COL28A1: variants seen among roughly 807,000 people sequenced by gnomAD.
The protein encoded by COL28A1 is collagen type XXVIII alpha 1 chain, also known as collagen alpha-1(XXVIII) chain.
COL28A1 carries 161 observed loss-of-function variants against 150.2 expected under a neutral mutation model. The observed-to-expected ratio is 1.07, with a 90% CI of 0.94 to 1.22. The LOEUF (loss-of-function observed/expected upper bound fraction) is 1.22, where lower values mean the gene tolerates loss of function less well. COL28A1 is among the 50% of genes most tolerant of loss of function. COL28A1 has a pLI of 0.00. For missense variants in COL28A1, 1,617 were observed against 1,388.3 expected, an observed-to-expected ratio of 1.16 and a Z score of -2.62; for synonymous variants, 552 against 469.7, an observed-to-expected ratio of 1.18 and a Z score of -2.26.
At chr7:7,471,125 T>TAAAAAAAAAAAA (rs746981344) in intron 15 of COL28A1, among the ~76,000 whole-genome samples, 3 of 88,518 alleles carry the variant, frequency 3.4e-5, no homozygotes, top group East Asian at 3.4e-4. Context: ...AAAAAATAAT[T>TAAAAAAAAAAAA]AAAAAAAAAA....
At chr7:7,385,975 A>G (rs1448560191) in intron 27 of COL28A1, among the ~76,000 whole-genome samples, 1 of 152,234 alleles carries the variant, frequency 6.6e-6, no homozygotes, top group Non-Finnish European at 1.5e-5. Context: ...TTCAATGTAT[A>G]AGTCTCAGGA....
At position 7,507,107 on chromosome 7, in the gene COL28A1, A is replaced by AC; in HGVS notation, c.972+9dup. The AC allele has an allele frequency of 8.6e-7, 1 of 1,160,334 alleles. No homozygotes were observed. Among genetic ancestry groups the AC allele is most frequent in the Non-Finnish European group, 1.3e-6 (1 of 767,356 alleles). 71.9% of individuals were successfully genotyped at this position (1,160,334 alleles called of 1,614,324 possible). A position where few individuals can be genotyped will look rare whatever the true frequency, so the allele number is the denominator to read the frequency against. On this transcript the variant is annotated intron_variant, in intron 10 of 34. Coordinates refer to ENST00000399429, the MANE Select transcript of COL28A1 (RefSeq NM_001037763.3). ...TAATTCAAACTTAGATTTGGTTTTA[A>AC]CCCCCTTACCTGAATTCCTCTGGGT...
intron 30 of COL28A1, among the ~76,000 whole-genome samples, chr7:7,380,194 T>G (rs1165472390): frequency 2.6e-5 from 4 of 152,278 alleles, no homozygotes; most frequent in Middle Eastern, 3.4e-3. Flanking sequence ...TTATAGATGC[T>G]CAGAAAATAC....
intron 3 of COL28A1, among the ~76,000 whole-genome samples, chr7:7,527,756 T>C (rs1782111315): frequency 6.6e-6 from 1 of 152,196 alleles, no homozygotes; most frequent in Non-Finnish European, 1.5e-5. Flanking sequence ...ACATATACTA[T>C]ATATGCAAAA....
chr7:7,481,535 C>G (rs1174185976), intron 13 of COL28A1, among the ~76,000 whole-genome samples: 2 of 152,140 alleles, frequency 1.3e-5, no homozygotes, highest in African/African-American at 4.8e-5. Context: ...CTTTCTAAGG[C>G]CATGAGAACC....
intron 27 of COL28A1, among the ~76,000 whole-genome samples, chr7:7,415,556 C>CA (rs979366807): frequency 6.6e-6 from 1 of 152,082 alleles, no homozygotes; most frequent in African/African-American, 2.4e-5. Context: ...TTTTTTGAGA[C>CA]AGAGTCTAAC....
At chr7:7,518,554 T>C (rs960320128) in intron 6 of COL28A1, among the ~76,000 whole-genome samples, 1 of 152,260 alleles carries the variant, frequency 6.6e-6, no homozygotes, top group African/African-American at 2.4e-5. Context: ...TAATTTTTAA[T>C]GTAATAGTTA....
chr7:7,428,156 G>A (rs1784748494), intron 25 of COL28A1, among the ~76,000 whole-genome samples: 2 of 152,170 alleles, frequency 1.3e-5, no homozygotes, highest in African/African-American at 4.8e-5. Context: ...AATTATACCT[G>A]TAATAACAAC....
chr7:7,391,801 C>CTTTTT (rs33991942), intron 27 of COL28A1, among the ~76,000 whole-genome samples: 5 of 115,874 alleles, frequency 4.3e-5, no homozygotes, highest in Non-Finnish European at 8.9e-5. Flanking sequence ...GCAACCCCTG[C>CTTTTT]TTTTTTTTTT....
chr7:7,345,062 T>TG, the COL28A1 span, among the ~76,000 whole-genome samples: 18 of 149,656 alleles, frequency 1.2e-4, no homozygotes, highest in Admixed American at 9.4e-4. Context: ...TTGGCGGGGG[T>TG]GGGGGGCGTT....
intron 18 of COL28A1, among the ~76,000 whole-genome samples, chr7:7,447,357 C>A (rs912997164): frequency 2.6e-5 from 4 of 152,002 alleles, no homozygotes; most frequent in Non-Finnish European, 4.4e-5. Context: ...GGCAAGAAGA[C>A]AGCTTGAGCC....
At chr7:7,397,099 C>T (rs1287848135) in intron 27 of COL28A1, among the ~76,000 whole-genome samples, 1 of 152,190 alleles carries the variant, frequency 6.6e-6, no homozygotes, top group African/African-American at 2.4e-5. Context: ...TATTCTCTTA[C>T]AGTTCTGGAA....
intron 27 of COL28A1, among the ~76,000 whole-genome samples, chr7:7,399,203 T>A (rs987906939): frequency 2.0e-5 from 3 of 152,140 alleles, no homozygotes; most frequent in African/African-American, 7.2e-5. Flanking sequence ...AGGATTCTTT[T>A]TGTGTTCTGA....
At position 7,522,203 on chromosome 7, in the gene COL28A1, G is replaced by C. The variant is rs1022914549; in HGVS notation, c.703-242C>G. 349 of 506,838 alleles carry C rather than the reference G, an allele frequency of 6.9e-4. 2 individuals are homozygous for C. Among genetic ancestry groups the C allele is most frequent in the Admixed American group, 2.9e-4 (9 of 31,422 alleles). 31.4% of individuals were successfully genotyped at this position (506,838 alleles called of 1,614,324 possible). A position where few individuals can be genotyped will look rare whatever the true frequency, so the allele number is the denominator to read the frequency against. ...GCAAATTTATACCTACCAAGAGCTA[G>C]CTAACAAAATATTATTAAATTTCAG... On this transcript the variant is annotated intron_variant, in intron 4 of 34. Transcript: ENST00000399429.
intron 3 of COL28A1, among the ~76,000 whole-genome samples, chr7:7,529,424 C>T (rs2115247015): frequency 6.6e-6 from 1 of 152,196 alleles, no homozygotes; most frequent in East Asian, 1.9e-4. Flanking sequence ...GCAGCACCTC[C>T]TTCTAAAAAG....
At chr7:7,440,651 T>C in intron 21 of COL28A1, 139 bp downstream of exon 21, 1 of 507,296 alleles carries the variant, frequency 2.0e-6, no homozygotes, top group Non-Finnish European at 3.6e-6. Context: ...TTTCTATAGG[T>C]TTCTTATTTT....
chr7:7,401,029 G>A (rs1783171376), intron 27 of COL28A1, among the ~76,000 whole-genome samples: 1 of 84,672 alleles, frequency 1.2e-5, no homozygotes, highest in South Asian at 4.0e-4. Flanking sequence ...TGTGTGTACA[G>A]CTCTTGTGAA....
chr7:7,536,886 C>T (rs1335968110), upstream of COL28A1, among the ~76,000 whole-genome samples: 1 of 152,190 alleles, frequency 6.6e-6, no homozygotes, highest in Admixed American at 6.5e-5. Context: ...CACCTATATA[C>T]AGTAAGTCCT....
intron 14 of COL28A1, among the ~76,000 whole-genome samples, chr7:7,476,854 A>G (rs1241300811): frequency 6.6e-6 from 1 of 152,248 alleles, no homozygotes; most frequent in African/African-American, 2.4e-5. Context: ...AAATGACTAC[A>G]AACTACTTTA....
Sources: allele counts gnomAD v4.1 joint callset (sites outside exome capture counted in the v4.1 genomes callset), GRCh38; gene constraint gnomAD v4.1.1; transcripts MANE v1.5; gene names NCBI Gene and HGNC (gene_info 2026-07-23, HGNC 2026-07-21).